Variants in WWP2 observed in about 807,000 individuals in gnomAD.
WWP2 encodes WW domain containing E3 ubiquitin protein ligase 2.
A neutral mutation model predicts 121.0 loss-of-function variants in WWP2; 57 were observed. That is an observed-to-expected ratio of 0.47 (90% CI 0.38 to 0.59). The LOEUF (loss-of-function observed/expected upper bound fraction) is 0.59. Ranked by LOEUF, WWP2 falls within the 20% of genes least tolerant of loss-of-function variation. The probability of loss-of-function intolerance (pLI) is 0.00; values close to 1 mark genes in which losing one functional copy is unlikely to be tolerated. For missense variants in WWP2, 962 were observed against 1,158.9 expected, an observed-to-expected ratio of 0.83 and a Z score of 2.47; for synonymous variants, 449 against 441.3, an observed-to-expected ratio of 1.02 and a Z score of -0.22.
intron 10 of WWP2, chr16:69,924,982 T>G (rs1382096677): frequency 1.0e-6 from 1 of 989,188 alleles, no homozygotes; most frequent in East Asian, 1.1e-4. Flanking sequence ...AGGCCTGCGA[T>G]ATTTTTTCCC....
chr16:69,880,427 A>G (rs569619449), intron 7 of WWP2, among the ~76,000 whole-genome samples: 2 of 151,896 alleles, frequency 1.3e-5, no homozygotes, highest in East Asian at 1.9e-4. Flanking sequence ...TTCCTCCATG[A>G]TATTCTTTGA....
At chr16:69,786,850 A>ATCC in intron 1 of WWP2, 146 bp from the exon 2 acceptor site, 2 of 639,188 alleles carry the variant, frequency 3.1e-6, no homozygotes, top group Non-Finnish European at 5.3e-6. Context: ...TTAAGTCATT[A>ATCC]TAAGACAAAC....
chr16:69,848,473 A>G (rs1306023341), intron 6 of WWP2, among the ~76,000 whole-genome samples: 1 of 151,430 alleles, frequency 6.6e-6, no homozygotes, highest in Non-Finnish European at 1.5e-5. Flanking sequence ...CAAACAAACA[A>G]GAAGCGAAGT....
intron 4 of WWP2, among the ~76,000 whole-genome samples, chr16:69,830,921 C>T (rs2056782824): frequency 6.6e-6 from 1 of 152,160 alleles, no homozygotes. Context: ...ACTCTCTGCC[C>T]TTCTGGAATT....
intron 4 of WWP2, among the ~76,000 whole-genome samples, chr16:69,826,182 G>A (rs1259608552): frequency 1.3e-5 from 2 of 150,798 alleles, no homozygotes; most frequent in African/African-American, 2.4e-5. Flanking sequence ...CAGGAGAATC[G>A]CTTGGACTGA....
chr16:69,874,805 C>T (rs1259332348), intron 7 of WWP2, among the ~76,000 whole-genome samples: 1 of 152,160 alleles, frequency 6.6e-6, no homozygotes, highest in Admixed American at 6.6e-5. Context: ...TCCGATTCTT[C>T]ATCTTTAATG....
At chr16:69,827,843 A>G in intron 4 of WWP2, 1 of 454,164 alleles carries the variant, frequency 2.2e-6, no homozygotes, top group Non-Finnish European at 4.4e-6. Context: ...ATGTGAACTG[A>G]TAATTTATTC....
rs1009218878 is a variant in WWP2 at position 69,842,131 on chromosome 16, C to G, written c.575+11C>G. On this transcript the variant is annotated intron_variant, in intron 6 of 23. Transcript: ENST00000359154. Reference sequence around the variant, plus strand: ...TGGTGGAAGATCCCGGTAAGACCCCCCTTGGTGAGGACAAAGAGCTAAGAA... The same window carrying G: ...TGGTGGAAGATCCCGGTAAGACCCCGCTTGGTGAGGACAAAGAGCTAAGAA... 1 of 1,610,460 alleles carries G rather than the reference C, an allele frequency of 6.2e-7. No homozygotes were observed. Among genetic ancestry groups the G allele is most frequent in the South Asian group, 1.1e-5 (1 of 90,480 alleles).
intron 1 of WWP2, among the ~76,000 whole-genome samples, chr16:69,767,273 A>C (rs531471189): frequency 6.6e-6 from 1 of 152,124 alleles, no homozygotes; most frequent in Admixed American, 6.5e-5. Flanking sequence ...TATTGAATGC[A>C]TGTTGTTTGT....
chr16:69,813,608 G>A (rs960291974), intron 4 of WWP2, among the ~76,000 whole-genome samples: 4 of 152,154 alleles, frequency 2.6e-5, no homozygotes, highest in African/African-American at 9.7e-5. Flanking sequence ...GACTACAGGT[G>A]TGTGCTGGCT....
chr16:69,937,606 A>G lies in WWP2; in HGVS notation c.2297A>G (p.Tyr766Cys). ...DMSDWQKSTI[Y>C]RHYTKNSKQI... Reference sequence around the variant, plus strand: ...AGCGACTGGCAGAAGAGCACCATCTACCGGCACTACACCAAGAACAGCAAG... The same window carrying G: ...AGCGACTGGCAGAAGAGCACCATCTGCCGGCACTACACCAAGAACAGCAAG... The change falls in exon 21 of 24, where the codon TAC becomes TGC. Residue 766 changes from tyrosine to cysteine, a missense_variant. Tyr to Cys is a radical substitution (Grantham distance 194). Around this residue, in one of 3 missense-constraint regions of WWP2, gnomAD observed 606 missense variants for 772.6 expected, o/e 0.78. Transcript: ENST00000359154. The surrounding 1 kb of genome is among the most constrained non-coding windows in gnomAD (Gnocchi z 6.6). The G allele has an allele frequency of 6.2e-7, 1 of 1,613,848 alleles. No homozygotes were observed. The highest frequency in any genetic ancestry group is 1.3e-5 in the African/African-American group (1 of 74,944).
intron 6 of WWP2, among the ~76,000 whole-genome samples, chr16:69,849,670 T>C (rs2057164605): frequency 6.6e-6 from 1 of 152,102 alleles, no homozygotes. Flanking sequence ...TGGCTGGGCA[T>C]GGTGGCTGTA....
chr16:69,854,962 C>T (rs1469039242), intron 6 of WWP2, among the ~76,000 whole-genome samples: 1 of 152,080 alleles, frequency 6.6e-6, no homozygotes, highest in African/African-American at 2.4e-5. Context: ...CTCAAGTGAT[C>T]CTCTTGCCTC....
rs2058868783 is a variant in WWP2 at position 69,940,689 on chromosome 16, G to A, written c.*749G>A. ...CGCTGCTGTCACTTTCTGTCCAGGA[G>A]CTGGCACCCCAGGTGTTCTGAGACC... On this transcript the variant is annotated 3_prime_UTR_variant, in exon 24 of 24. Coordinates refer to ENST00000359154, the MANE Select transcript of WWP2 (RefSeq NM_001270454.2). 1 of 152,316 alleles carries A rather than the reference G, an allele frequency of 6.6e-6. No individual in the cohort carries two copies. The highest frequency in any genetic ancestry group is 6.5e-5 in the Admixed American group (1 of 15,286). The allele number at this position is 152,316 out of a possible 1,614,324, so 9.4% of individuals were successfully genotyped here.
Position 69,896,682 on chromosome 16 carries a change from C to A in WWP2, c.914+8433C>A, listed in dbSNP as rs374707454. On this transcript the variant is annotated intron_variant, in intron 8 of 23. Coordinates refer to ENST00000359154, the MANE Select transcript of WWP2 (RefSeq NM_001270454.2). ...ACATAATAACAACAGTTAACAAACA[C>A]CCCCCCAGAGCTGACCATTGGTATT... Among the ~76,000 whole-genome samples the A allele has an allele frequency of 7.3e-5, 11 of 151,358 alleles. No homozygotes were observed. The East Asian group carries it at 2.1e-3, about 29-fold the overall frequency.
chr16:69,871,747 A>T, intron 6 of WWP2, 57 bp from the exon 7 acceptor site: 2 of 1,597,654 alleles, frequency 1.3e-6, no homozygotes, highest in Non-Finnish European at 1.7e-6. Flanking sequence ...GGTAGGAAAC[A>T]CTTCTGTCCT....
intron 4 of WWP2, among the ~76,000 whole-genome samples, chr16:69,837,742 G>A (rs1811126464): frequency 6.6e-6 from 1 of 152,188 alleles, no homozygotes; most frequent in African/African-American, 2.4e-5. Context: ...TCATCCCTCA[G>A]CACGCTTCCA....
chr16:69,766,075 T>C (rs1567651101), intron 1 of WWP2, among the ~76,000 whole-genome samples: 1 of 152,138 alleles, frequency 6.6e-6, no homozygotes, highest in Non-Finnish European at 1.5e-5. Context: ...TTCACGTGGA[T>C]TCCTATCAGG....
chr16:69,913,544 C>A (rs954496432), intron 9 of WWP2, among the ~76,000 whole-genome samples: 1 of 151,476 alleles, frequency 6.6e-6, no homozygotes, highest in African/African-American at 2.4e-5. Flanking sequence ...GAACAAACAG[C>A]CAAAGATGAG....
Sources: allele counts gnomAD v4.1 joint callset (sites outside exome capture counted in the v4.1 genomes callset), GRCh38; gene constraint gnomAD v4.1.1; regional missense constraint gnomAD v4.1.1; non-coding constraint Gnocchi (gnomAD v3.1); transcripts MANE v1.5; gene names NCBI Gene and HGNC (gene_info 2026-07-23, HGNC 2026-07-21).